Variants in ART3 observed in about 807,000 individuals in gnomAD.
ART3 encodes ecto-ADP-ribosyltransferase 3.
ART3 carries 49 observed loss-of-function variants against 48.5 expected under a neutral mutation model. The ratio of observed to expected loss-of-function variants is 1.01; its 90% CI spans 0.80 to 1.28. The LOEUF (loss-of-function observed/expected upper bound fraction) is 1.28, where lower values mean the gene tolerates loss of function less well. ART3 is among the 50% of genes most tolerant of loss of function. The probability of loss-of-function intolerance (pLI) is 0.00; values close to 1 mark genes in which losing one functional copy is unlikely to be tolerated. For synonymous variants in ART3, 145 were observed against 157.2 expected, an observed-to-expected ratio of 0.92 and a Z score of 0.58; for missense variants, 438 against 454.3, an observed-to-expected ratio of 0.96 and a Z score of 0.33.
At chr4:76,103,523 GAGGTAAATA>G (rs1553937503) in intron 8 of ART3, among the ~76,000 whole-genome samples, 3 of 152,118 alleles carry the variant, frequency 2.0e-5, no homozygotes, top group Non-Finnish European at 4.4e-5. Context: ...ACAAACCTAA[GAGGTAAATA>G]TTTCTCTTGC....
chr4:76,016,475 G>A (rs1732268389), intron 1 of ART3, among the ~76,000 whole-genome samples: 1 of 152,180 alleles, frequency 6.6e-6, no homozygotes, highest in Admixed American at 6.5e-5. Flanking sequence ...GTGACACCAA[G>A]CACACCTGTG....
chr4:76,083,147 G>A (rs902660349), intron 3 of ART3, among the ~76,000 whole-genome samples: 4 of 152,138 alleles, frequency 2.6e-5, no homozygotes, highest in African/African-American at 4.8e-5. Context: ...GTAGTGAGCT[G>A]TAATCACACC....
At chr4:76,092,454 C>T (rs1412826761) in intron 3 of ART3, among the ~76,000 whole-genome samples, 1 of 151,890 alleles carries the variant, frequency 6.6e-6, no homozygotes, top group Admixed American at 6.6e-5. Context: ...ATTTACTGTT[C>T]CTCTGTTGTT....
chr4:76,043,065 T>C (rs1194447144), intron 1 of ART3, among the ~76,000 whole-genome samples: 1 of 151,382 alleles, frequency 6.6e-6, no homozygotes, highest in East Asian at 1.9e-4. Flanking sequence ...AGATACAGAG[T>C]GTCGATTGGT....
At position 76,023,181 on chromosome 4, in the gene ART3, CTCTTAT is replaced by C. The variant is rs371474932; in HGVS notation, c.-10+11865_-10+11870del. Among the ~76,000 whole-genome samples the C allele has an allele frequency of 3.7e-3, 558 of 152,214 alleles. 3 individuals carry two copies. Among genetic ancestry groups the C allele is most frequent in the African/African-American group, 0.013 (540 of 41,540 alleles). On this transcript the variant is annotated intron_variant, in intron 1 of 9. Transcript: ENST00000341029. ...CCTCCTTCCCTTTTTCCTTCTCTTTCTCTTATTCTATTTGTTTCTCTCACTTCAATT... is the reference window on the plus strand; with the variant it reads ...CCTCCTTCCCTTTTTCCTTCTCTTTCTCTATTTGTTTCTCTCACTTCAATT...
intron 1 of ART3, among the ~76,000 whole-genome samples, chr4:76,063,494 T>TTA (rs1719428915): frequency 6.6e-6 from 1 of 152,198 alleles, no homozygotes; most frequent in African/African-American, 2.4e-5. Context: ...TAAAAGAAGC[T>TTA]TATAATCTGT....
intron 11 of ART3, among the ~76,000 whole-genome samples, chr4:76,110,864 C>G (rs1483399011): frequency 6.6e-6 from 1 of 151,906 alleles, no homozygotes; most frequent in African/African-American, 2.4e-5. Context: ...GAAAGTATGT[C>G]ATGAATGCAT....
chr4:76,036,485 C>T (rs6825243), intron 1 of ART3, among the ~76,000 whole-genome samples: 1 of 151,888 alleles, frequency 6.6e-6, no homozygotes, highest in African/African-American at 2.4e-5. Flanking sequence ...TCAGTCCAAA[C>T]TCTTATAATA....
rs73825884 is a variant in ART3, at chr4:76,084,999, C to A, written c.781+2464C>A. ...AAGCTAGAGAGGCTCCTACACCCAC[C>A]TGTGTAATCTTGTTTCCTTGAACCT... On this transcript the variant is annotated intron_variant, in intron 3 of 11. Coordinates refer to ENST00000355810, the MANE Select transcript of ART3 (RefSeq NM_001130016.3). Among the ~76,000 whole-genome samples, 1,513 of 152,322 alleles carry A rather than the reference C, an allele frequency of 9.9e-3. 24 individuals are homozygous for A. Among genetic ancestry groups the A allele is most frequent in the African/African-American group, 0.033 (1,356 of 41,556 alleles).
chr4:76,050,491 C>A (rs1025115644), intron 1 of ART3, among the ~76,000 whole-genome samples: 33 of 152,280 alleles, frequency 2.2e-4, no homozygotes, highest in African/African-American at 7.5e-4. Context: ...ATTTACAAAC[C>A]TTGAGCTAGA....
At chr4:76,018,655 C>T (rs1732484501) in intron 1 of ART3, among the ~76,000 whole-genome samples, 1 of 152,050 alleles carries the variant, frequency 6.6e-6, no homozygotes, top group Admixed American at 6.6e-5. Context: ...GAAAAGTCTC[C>T]CTGTGCTATG....
intron 2 of ART3, among the ~76,000 whole-genome samples, chr4:76,079,257 A>G (rs1459030358): frequency 6.6e-6 from 1 of 151,880 alleles, no homozygotes; most frequent in East Asian, 1.9e-4. Flanking sequence ...CCTGGCATAT[A>G]GAAAGAACTC....
At chr4:76,079,079 T>TAA (rs994011970) in intron 2 of ART3, among the ~76,000 whole-genome samples, 1 of 140,804 alleles carries the variant, frequency 7.1e-6, no homozygotes, top group Non-Finnish European at 1.5e-5. Context: ...AGACTCCGTC[T>TAA]AAAAAAAAAA....
chr4:76,099,292 A>T (rs966423487), intron 5 of ART3: 1 of 359,386 alleles, frequency 2.8e-6, no homozygotes, highest in Non-Finnish European at 5.2e-6. Flanking sequence ...GACAGGGTGA[A>T]ACTCTGTCTC....
chr4:76,107,181 T>TATGAAAAA (rs1728641540), intron 10 of ART3: 1 of 152,164 alleles, frequency 6.6e-6, no homozygotes, highest in Admixed American at 6.6e-5. Context: ...ATTTTTGACT[T>TATGAAAAA]ATGGTATTTT....
At chr4:76,066,152 T>C (rs1156414086) in intron 1 of ART3, among the ~76,000 whole-genome samples, 1 of 152,204 alleles carries the variant, frequency 6.6e-6, no homozygotes, top group Non-Finnish European at 1.5e-5. Flanking sequence ...AGGGAATCTT[T>C]TAGCAGCAGA....
intron 11 of ART3, 99 bp from the exon 12 acceptor site, chr4:76,112,287 C>A: frequency 7.1e-7 from 1 of 1,411,166 alleles, no homozygotes; most frequent in Non-Finnish European, 9.5e-7. Flanking sequence ...TCTACTTCAA[C>A]TTTAGTGTCA....
intron 5 of ART3, among the ~76,000 whole-genome samples, chr4:76,100,048 C>T (rs1726923743): frequency 6.6e-6 from 1 of 152,138 alleles, no homozygotes; most frequent in Admixed American, 6.5e-5. Flanking sequence ...TCCTTGAGAT[C>T]CCTGGTAGAC....
intron 1 of ART3, among the ~76,000 whole-genome samples, chr4:76,037,994 T>C (rs1734593861): frequency 6.6e-6 from 1 of 152,214 alleles, no homozygotes; most frequent in Non-Finnish European, 1.5e-5. Flanking sequence ...TTAACAACCA[T>C]GACTAGTCTT....
Sources: allele counts gnomAD v4.1 joint callset (sites outside exome capture counted in the v4.1 genomes callset), GRCh38; gene constraint gnomAD v4.1.1; transcripts MANE v1.5; gene names NCBI Gene and HGNC (gene_info 2026-07-23, HGNC 2026-07-21).